CCNI: variants seen among roughly 807,000 people sequenced by gnomAD.
CCNI encodes the protein cyclin I.
In CCNI, 14 loss-of-function variants were observed where a neutral mutation model predicts 34.1. That is an observed-to-expected ratio of 0.41 (90% confidence interval 0.27 to 0.64). The LOEUF is 0.64. CCNI is among the 30% of genes least tolerant of loss of function. The pLI, the probability that CCNI is intolerant of heterozygous loss-of-function variation, is 0.31. For synonymous variants in CCNI, 154 were observed against 158.4 expected (o/e 0.97, Z 0.21); for missense variants, 385 against 440.5 (o/e 0.87, Z 1.13).
At position 77,048,417 on chromosome 4, in the gene CCNI, A is replaced by T. The variant is rs1727590648; in HGVS notation, c.936T>A (p.Ala312=). 4 of 1,614,098 alleles carry T rather than the reference A, an allele frequency of 2.5e-6. No individual in the cohort carries two copies. In the Admixed American group the frequency reaches 6.7e-5, roughly 27 times the overall value. ...TAGAGGTCTGCTTGCACCCACTGGC[A>T]GCTGGGAGATGATGGTAAAAGGCTG... ...GTAAFYHHLP[A]ASGCKQTSTK... The change falls in exon 7 of 7, where the codon GCT becomes GCA. Residue 312 remains alanine (A), a synonymous_variant. Transcript: ENST00000237654.
chr4:77,069,041 T>C (rs1175447664), intron 1 of CCNI, among the ~76,000 whole-genome samples: 3 of 152,206 alleles, frequency 2.0e-5, no homozygotes, highest in Admixed American at 6.5e-5. Context: ...CAAAAAGACC[T>C]ATCTCAAAGG....
chr4:77,061,649 C>T (rs2109819039), intron 2 of CCNI, among the ~76,000 whole-genome samples: 1 of 152,154 alleles, frequency 6.6e-6, no homozygotes, highest in South Asian at 2.1e-4. Context: ...AATCTATGAC[C>T]TACCTCTTCT....
At chr4:77,065,600 T>C (rs1728976835) in intron 2 of CCNI, among the ~76,000 whole-genome samples, 1 of 152,204 alleles carries the variant, frequency 6.6e-6, no homozygotes, top group Admixed American at 6.5e-5. Context: ...CTAAAGACAA[T>C]GGTATGAAGA....
chr4:77,068,736 A>C (rs1033116703), intron 1 of CCNI, among the ~76,000 whole-genome samples: 4 of 148,904 alleles, frequency 2.7e-5, no homozygotes, highest in Non-Finnish European at 5.9e-5. Context: ...AAAAAGTTCC[A>C]ATTTTTTTAA....
At position 77,075,574 on chromosome 4, in the gene CCNI, GGCGCGCGGAGGCGGT is replaced by G. The variant is rs1305212678; in HGVS notation, c.-161_-147del. On this transcript the variant is annotated 5_prime_UTR_variant, in exon 1 of 7. Transcript: ENST00000237654. The stretch of plus-strand genomic sequence containing the variant: ...GGCCCGTTACCACCTCATTCTCATA[GGCGCGCGGAGGCGGT>G]GCGCGCGGGACGACTCGGCCAACTG... 1.0e-6 allele frequency: 1 copy of G among 988,192 alleles called. No individual in the cohort carries two copies. The highest frequency in any genetic ancestry group is 1.1e-4 in the East Asian group (1 of 8,828). The allele number at this position is 988,192 out of a possible 1,614,324, so 61.2% of individuals were successfully genotyped here. A position where few individuals can be genotyped will look rare whatever the true frequency, so the allele number is the denominator to read the frequency against.
At chr4:77,069,755 C>T (rs1560784906) in intron 1 of CCNI, among the ~76,000 whole-genome samples, 1 of 151,906 alleles carries the variant, frequency 6.6e-6, no homozygotes, top group Non-Finnish European at 1.5e-5. Context: ...CAAAAACACA[C>T]AACCAAAAAC....
At chr4:77,062,763 C>A (rs1213484142) in intron 2 of CCNI, among the ~76,000 whole-genome samples, 2 of 152,036 alleles carry the variant, frequency 1.3e-5, no homozygotes, top group Admixed American at 6.6e-5. Context: ...AGCACTTTGG[C>A]AAAATAAATT....
Position 77,075,985 on chromosome 4 carries a change from G to C in CCNI, c.-557C>G. 1 of 151,836 alleles carries C rather than the reference G, an allele frequency of 6.6e-6. No individual in the cohort carries two copies. Among genetic ancestry groups the C allele is most frequent in the East Asian group, 1.9e-4 (1 of 5,188 alleles). 9.4% of individuals were successfully genotyped at this position (151,836 alleles called of 1,614,324 possible). ...GTCCGCTCGCGGGGAAGGCTGGGGA[G>C]GGAGGGGAAGAGAGGGGAAGGGAGG... On this transcript the variant is annotated 5_prime_UTR_variant, in exon 1 of 7. Transcript: ENST00000237654.
Position 77,048,157 on chromosome 4 carries a change from G to T in CCNI, c.*62C>A. ...TCCTTCTACAGCCTTTCCTGATTTT[G>T]CATGTTCTCATTCCCAAAGTAGTCT... On this transcript the variant is annotated 3_prime_UTR_variant, in exon 7 of 7. Transcript: ENST00000237654. 4.7e-6 allele frequency: 6 copies of T among 1,276,888 alleles called. No homozygotes were observed. Among genetic ancestry groups the T allele is most frequent in the Non-Finnish European group, 5.5e-6 (5 of 905,448 alleles). 79.1% of individuals were successfully genotyped at this position (1,276,888 alleles called of 1,614,324 possible).
chr4:77,075,413 G>T, intron 1 of CCNI, 59 bp downstream of exon 1: 1 of 733,890 alleles, frequency 1.4e-6, no homozygotes, highest in African/African-American at 1.9e-5. Context: ...CGGGGCCCCA[G>T]CGCGTCGACG....
At chr4:77,048,903 T>G (rs1359348981) in intron 6 of CCNI, among the ~76,000 whole-genome samples, 1 of 151,738 alleles carries the variant, frequency 6.6e-6, no homozygotes, top group Non-Finnish European at 1.5e-5. Context: ...GTTTTGTATT[T>G]GCAATGTATG....
chr4:77,053,116 G>A (rs954532303), intron 6 of CCNI, among the ~76,000 whole-genome samples: 6 of 152,140 alleles, frequency 3.9e-5, no homozygotes, highest in African/African-American at 1.4e-4. Context: ...TATGTTGAGT[G>A]GAGATCTGCC....
At chr4:77,058,941 T>C (rs1183967438) in intron 2 of CCNI, among the ~76,000 whole-genome samples, 1 of 150,752 alleles carries the variant, frequency 6.6e-6, no homozygotes, top group Non-Finnish European at 1.5e-5. Flanking sequence ...TAAGTAACAC[T>C]ATTATCAACT....
intron 6 of CCNI, among the ~76,000 whole-genome samples, chr4:77,053,644 T>C (rs1232070192): frequency 3.3e-5 from 5 of 152,192 alleles, no homozygotes; most frequent in Non-Finnish European, 2.9e-5. Context: ...TTCTGTACTA[T>C]CTTGAGAGTA....
chr4:77,050,954 C>T (rs907106938), intron 6 of CCNI, among the ~76,000 whole-genome samples: 2 of 152,044 alleles, frequency 1.3e-5, no homozygotes, highest in Admixed American at 6.6e-5. Context: ...GTTCTAGGAT[C>T]CCCCAAAAGA....
At chr4:77,054,795 A>T (rs896933918) in intron 6 of CCNI, among the ~76,000 whole-genome samples, 2 of 152,186 alleles carry the variant, frequency 1.3e-5, no homozygotes, top group Non-Finnish European at 2.9e-5. Context: ...TGTTCCTGAC[A>T]TCCGTTATAA....
At position 77,055,398 on chromosome 4, in the gene CCNI, A is replaced by T. The variant is rs1239006930; in HGVS notation, c.460-18T>A. 1.3e-6 allele frequency: 2 copies of T among 1,497,526 alleles called. No individual in the cohort carries two copies. Among genetic ancestry groups the T allele is most frequent in the African/African-American group, 1.4e-5 (1 of 72,534 alleles). 92.8% of individuals were successfully genotyped at this position (1,497,526 alleles called of 1,614,324 possible). A position where few individuals can be genotyped will look rare whatever the true frequency, so the allele number is the denominator to read the frequency against. Reference sequence around the variant, plus strand: ...GCATGGAACTGAAAATCACAAGAACATCATTTTAACTTTATTTAAATATCT... The same window carrying T: ...GCATGGAACTGAAAATCACAAGAACTTCATTTTAACTTTATTTAAATATCT... On this transcript the variant is annotated intron_variant, in intron 5 of 6. Transcript: ENST00000237654.
At chr4:77,071,070 A>G (rs775275000) in intron 1 of CCNI, among the ~76,000 whole-genome samples, 11 of 152,212 alleles carry the variant, frequency 7.2e-5, no homozygotes, top group Non-Finnish European at 1.5e-4. Context: ...CTAGTGACTC[A>G]AGTTCCTTCA....
chr4:77,059,851 A>G (rs529866677), intron 2 of CCNI, among the ~76,000 whole-genome samples: 58 of 152,324 alleles, frequency 3.8e-4, no homozygotes, highest in African/African-American at 1.4e-3. Flanking sequence ...ATTCAAGAGA[A>G]ATTAAATTCC....
Sources: allele counts gnomAD v4.1 joint callset (sites outside exome capture counted in the v4.1 genomes callset), GRCh38; gene constraint gnomAD v4.1.1; transcripts MANE v1.5; gene names NCBI Gene and HGNC (gene_info 2026-07-23, HGNC 2026-07-21).